The following FBN2 variants were observed in gnomAD, a reference collection of about 807,000 sequenced individuals.
The protein encoded by FBN2 is fibrillin-2.
A neutral mutation model predicts 355.6 loss-of-function variants in FBN2; 105 were observed. That is an observed-to-expected ratio of 0.30 (90% confidence interval 0.25 to 0.35). The LOEUF is 0.35. Among genes scored for constraint, FBN2 ranks in the 10% least tolerant of loss-of-function variants. The pLI is 1.00. For missense variants in FBN2, 3,280 were observed against 3,758.7 expected (o/e 0.87, Z 3.33); for synonymous variants, 1,350 against 1,301.2 (o/e 1.04, Z -0.81).
At chr5:128,346,041 T>G (rs963727840) in intron 23 of FBN2, among the ~76,000 whole-genome samples, 1 of 152,246 alleles carries the variant, frequency 6.6e-6, no homozygotes, top group Non-Finnish European at 1.5e-5. Flanking sequence ...GAAAGTGTTA[T>G]AATATTATTA....
At chr5:128,513,211 G>A (rs1756179001) in intron 5 of FBN2, among the ~76,000 whole-genome samples, 1 of 152,152 alleles carries the variant, frequency 6.6e-6, no homozygotes, top group Non-Finnish European at 1.5e-5. Context: ...CTGGAGACAG[G>A]TGTTATTTAA....
intron 60 of FBN2, among the ~76,000 whole-genome samples, chr5:128,274,273 G>C (rs1483184426): frequency 1.3e-5 from 2 of 152,114 alleles, no homozygotes; most frequent in Non-Finnish European, 2.9e-5. Context: ...AAATTACAGT[G>C]AGCCTTTAAT....
At chr5:128,302,930 G>A in intron 46 of FBN2, 43 bp downstream of exon 46, 1 of 1,077,330 alleles carries the variant, frequency 9.3e-7, no homozygotes, top group Non-Finnish European at 1.4e-6. Flanking sequence ...CACATTGTGT[G>A]GAAATGAAAT....
chr5:128,318,275 G>A lies in FBN2; in HGVS notation c.4595-4C>T. ...GGATCTGCACACTCATCAATATCTAGGAGAAGCATTTAAAATGCCCAGGTT... is the reference window on the plus strand; with the variant it reads ...GGATCTGCACACTCATCAATATCTAAGAGAAGCATTTAAAATGCCCAGGTT... On this transcript the variant is annotated splice_region_variant and splice_polypyrimidine_tract_variant and intron_variant, in intron 35 of 64. Coordinates refer to ENST00000262464, the MANE Select transcript of FBN2 (RefSeq NM_001999.4). The A allele has an allele frequency of 6.2e-7, 1 of 1,613,958 alleles. No homozygotes were observed. Among genetic ancestry groups the A allele is most frequent in the Non-Finnish European group, 8.5e-7 (1 of 1,179,932 alleles).
chr5:128,507,405 T>C (rs1755992094), intron 5 of FBN2, among the ~76,000 whole-genome samples: 1 of 152,040 alleles, frequency 6.6e-6, no homozygotes, highest in Non-Finnish European at 1.5e-5. Flanking sequence ...CATTCACCCA[T>C]ACACTTTAAA....
At chr5:128,479,230 G>GT (rs943986519) in intron 5 of FBN2, among the ~76,000 whole-genome samples, 10 of 151,944 alleles carry the variant, frequency 6.6e-5, no homozygotes, top group African/African-American at 2.4e-4. Flanking sequence ...AAGTTCCTTT[G>GT]TTTTTTTGCA....
intron 62 of FBN2, among the ~76,000 whole-genome samples, chr5:128,264,984 G>C (rs1464955370): frequency 6.6e-6 from 1 of 152,158 alleles, no homozygotes; most frequent in Non-Finnish European, 1.5e-5. Context: ...CAGAATTAAA[G>C]GAGACCACTA....
chr5:128,432,944 G>C (rs984341064), intron 7 of FBN2, among the ~76,000 whole-genome samples: 2 of 151,914 alleles, frequency 1.3e-5, no homozygotes, highest in African/African-American at 4.8e-5. Flanking sequence ...GCCTGAGACT[G>C]AGCAAGAGCA....
At chr5:128,276,910 C>A (rs900072255) in intron 58 of FBN2, among the ~76,000 whole-genome samples, 24 of 152,294 alleles carry the variant, frequency 1.6e-4, no homozygotes, top group African/African-American at 5.5e-4. Flanking sequence ...TATAGACAGT[C>A]TTTTTGTTAG....
At chr5:128,389,847 C>T (rs1752464681) in intron 11 of FBN2, among the ~76,000 whole-genome samples, 1 of 152,186 alleles carries the variant, frequency 6.6e-6, no homozygotes, top group Non-Finnish European at 1.5e-5. Flanking sequence ...CCAGCTTCCT[C>T]CTACTTCAGT....
At chr5:128,533,404 G>C (rs1432730730) in intron 2 of FBN2, among the ~76,000 whole-genome samples, 1 of 152,172 alleles carries the variant, frequency 6.6e-6, no homozygotes, top group East Asian at 1.9e-4. Context: ...AAGCAAGAAT[G>C]CTGAGGCCCT....
Position 128,300,802 on chromosome 5 carries a change from A to G in FBN2, c.6166+15T>C. On this transcript the variant is annotated intron_variant, in intron 48 of 64. Transcript: ENST00000262464. ...CTGAACTACTAGTGGGCCTCAGAAT[A>G]AATGTTACTCTTACCAATGCAGTTC... 6.2e-7 allele frequency: 1 copy of G among 1,613,672 alleles called. No individual in the cohort carries two copies. Among genetic ancestry groups the G allele is most frequent in the Middle Eastern group, 1.7e-4 (1 of 6,052 alleles).
rs755760127 is a variant in FBN2, at chr5:128,464,789, C to G, written c.761G>C (p.Cys254Ser). 1 of 1,614,186 alleles carries G rather than the reference C, an allele frequency of 6.2e-7. No individual in the cohort carries two copies. The highest frequency in any genetic ancestry group is 1.7e-5 in the Admixed American group (1 of 60,022). Reference protein sequence around the residue: ...GRAWGHPCEMCPAQPQPCRRG... With the variant: ...GRAWGHPCEMSPAQPQPCRRG... ...TCGGCAGGGCTGAGGCTGGGCTGGA[C>G]ACATCTCACAGGGATGGCCCCACGC... The change falls in exon 6 of 65, where the codon TGT becomes TCT. Residue 254 changes from cysteine to serine, a missense_variant. Physicochemically the swap from Cys to Ser is moderately radical, Grantham distance 112. Coordinates refer to ENST00000262464, the MANE Select transcript of FBN2 (RefSeq NM_001999.4).
chr5:128,532,957 T>C (rs1298388199), intron 2 of FBN2, among the ~76,000 whole-genome samples: 2 of 152,208 alleles, frequency 1.3e-5, no homozygotes, highest in Non-Finnish European at 2.9e-5. Flanking sequence ...AGAATGCAGC[T>C]TGAGCCCGAG....
chr5:128,460,671 T>A (rs545602417), intron 6 of FBN2, among the ~76,000 whole-genome samples: 4 of 151,966 alleles, frequency 2.6e-5, no homozygotes, highest in Non-Finnish European at 5.9e-5. Flanking sequence ...TACAGACCAA[T>A]GGAGCAGAAC....
intron 6 of FBN2, among the ~76,000 whole-genome samples, chr5:128,460,355 G>A (rs1247232739): frequency 6.6e-6 from 1 of 152,100 alleles, no homozygotes; most frequent in Non-Finnish European, 1.5e-5. Flanking sequence ...GGAAATAAGA[G>A]AGGACACAAA....
In FBN2 at chr5:128,537,681, G is replaced by T. The variant is rs1756896966; in HGVS notation, c.-78C>A. ...GACAAAATCTGCGCGCCTCAGAAAAGAGTCAGGGTCTAATAAGCCCTTCGT... is the reference window on the plus strand; with the variant it reads ...GACAAAATCTGCGCGCCTCAGAAAATAGTCAGGGTCTAATAAGCCCTTCGT... On this transcript the variant is annotated 5_prime_UTR_variant, in exon 1 of 65. Coordinates refer to ENST00000262464, the MANE Select transcript of FBN2 (RefSeq NM_001999.4). 26 of 1,433,574 alleles carry T rather than the reference G, an allele frequency of 1.8e-5. No individual in the cohort carries two copies. Among genetic ancestry groups the T allele is most frequent in the Middle Eastern group, 3.5e-4 (2 of 5,780 alleles). 88.8% of individuals were successfully genotyped at this position (1,433,574 alleles called of 1,614,324 possible). A position where few individuals can be genotyped will look rare whatever the true frequency, so the allele number is the denominator to read the frequency against.
At chr5:128,442,088 G>T in intron 7 of FBN2, 1 of 309,990 alleles carries the variant, frequency 3.2e-6, no homozygotes, top group South Asian at 2.8e-5. Context: ...CAACTTTTAT[G>T]AGTTTCATGA....
chr5:128,493,317 A>G (rs1186832276), intron 5 of FBN2, among the ~76,000 whole-genome samples: 2 of 152,130 alleles, frequency 1.3e-5, no homozygotes, highest in East Asian at 3.9e-4. Context: ...ACAAAAAATC[A>G]GTTTACTGTG....
Sources: allele counts gnomAD v4.1 joint callset (sites outside exome capture counted in the v4.1 genomes callset), GRCh38; gene constraint gnomAD v4.1.1; transcripts MANE v1.5; gene names NCBI Gene and HGNC (gene_info 2026-07-23, HGNC 2026-07-21).